Variants in INPP4B observed in about 807,000 individuals in gnomAD.
INPP4B encodes inositol polyphosphate 4-phosphatase type II.
A neutral mutation model predicts 122.5 loss-of-function variants in INPP4B; 55 were observed. The observed-to-expected ratio is 0.45, with a 90% CI of 0.36 to 0.56. INPP4B has a LOEUF of 0.56. Among genes scored for constraint, INPP4B ranks in the 20% least tolerant of loss-of-function variants. The probability of loss-of-function intolerance (pLI) is 0.00; values close to 1 mark genes in which losing one functional copy is unlikely to be tolerated. For synonymous variants in INPP4B, 403 were observed against 388.7 expected, an observed-to-expected ratio of 1.04 and a Z score of -0.43; for missense variants, 1,000 against 1,097.7, an observed-to-expected ratio of 0.91 and a Z score of 1.26.
chr4:142,132,541 A>T (rs749656841), intron 18 of INPP4B, among the ~76,000 whole-genome samples: 1 of 152,196 alleles, frequency 6.6e-6, no homozygotes, highest in Non-Finnish European at 1.5e-5. Flanking sequence ...TAATTTCTAC[A>T]TGATACTTTG....
intron 2 of INPP4B, among the ~76,000 whole-genome samples, chr4:142,548,787 A>G (rs773486066): frequency 6.6e-6 from 1 of 151,810 alleles, no homozygotes; most frequent in Non-Finnish European, 1.5e-5. Context: ...ATACATATAT[A>G]TATATTAATT....
At chr4:142,379,811 A>C (rs901692807) in intron 7 of INPP4B, among the ~76,000 whole-genome samples, 1 of 152,220 alleles carries the variant, frequency 6.6e-6, no homozygotes, top group Non-Finnish European at 1.5e-5. Context: ...CTCAGTGTCC[A>C]CGTCAGGCAC....
At position 142,024,563 on chromosome 4, in the gene INPP4B, A is replaced by G. The variant is rs1483919879; in HGVS notation, c.*4219T>C. On this transcript the variant is annotated 3_prime_UTR_variant, in exon 26 of 26. Coordinates refer to ENST00000262992, the MANE Select transcript of INPP4B (RefSeq NM_001101669.3). ...AAAGACTACAAATGGTGCCTCATAT[A>G]TTGAACCAAACAAATGATATACCAT... 2 of 152,122 alleles carry G rather than the reference A, an allele frequency of 1.3e-5. No individual in the cohort carries two copies. Among genetic ancestry groups the G allele is most frequent in the African/African-American group, 4.8e-5 (2 of 41,416 alleles). The allele number at this position is 152,122 out of a possible 1,614,324, so 9.4% of individuals were successfully genotyped here.
chr4:142,112,667 T>C lies in INPP4B; in HGVS notation c.2151A>G (p.Val717=), dbSNP rs149244879. The change falls in exon 22 of 26, where the codon GTA becomes GTG. Residue 717 remains valine, a synonymous_variant. Transcript: ENST00000262992. ...ACATTCTGGCTGGAAGCTTGACCTC[T>C]ACCACGTAATGTTCTCTAAAGAAGG... ...VITGRREHYV[V]EVKLPARMFE... 1.2e-6 allele frequency: 2 copies of C among 1,611,818 alleles called. No individual in the cohort carries two copies. The highest frequency in any genetic ancestry group is 1.3e-5 in the African/African-American group (1 of 74,792).
At chr4:142,127,485 A>G (rs1239847220) in intron 18 of INPP4B, among the ~76,000 whole-genome samples, 2 of 151,904 alleles carry the variant, frequency 1.3e-5, no homozygotes, top group African/African-American at 4.8e-5. Flanking sequence ...CAACACCAAA[A>G]CAAGTCTGGT....
intron 9 of INPP4B, among the ~76,000 whole-genome samples, chr4:142,276,663 A>T (rs1748562428): frequency 6.6e-6 from 1 of 151,932 alleles, no homozygotes. Context: ...TCTTCAGTAT[A>T]TGGAAATGAG....
chr4:142,779,585 A>T (rs1004456908), intron 1 of INPP4B, among the ~76,000 whole-genome samples: 4 of 152,112 alleles, frequency 2.6e-5, no homozygotes, highest in Non-Finnish European at 2.9e-5. Context: ...ACTGAGGTCA[A>T]TATTGGTATG....
intron 12 of INPP4B, among the ~76,000 whole-genome samples, chr4:142,211,363 A>G (rs762918643): frequency 6.6e-6 from 1 of 152,200 alleles, no homozygotes; most frequent in African/African-American, 2.4e-5. Context: ...AAACTTTCCA[A>G]TCAGGAAGCC....
At chr4:142,228,884 A>C (rs1852814183) in intron 12 of INPP4B, among the ~76,000 whole-genome samples, 1 of 151,730 alleles carries the variant, frequency 6.6e-6, no homozygotes, top group African/African-American at 2.4e-5. Context: ...TATTTGTAAT[A>C]AATATATAGA....
In INPP4B at chr4:142,405,235, T is replaced by C. The variant is rs1471819737; in HGVS notation, c.226A>G (p.Thr76Ala). ...SVIHPVEQSLTRYSSTEIVEG... is the reference protein window; with the variant it reads ...SVIHPVEQSLARYSSTEIVEG... ...ACAATTTCGGTGCTGGAGTATCTTG[T>C]CAGACTCTGCTCCACGGGGTGGATT... Residue 76 changes from threonine (T) to alanine (A), a missense_variant, in exon 6 of 26, where the codon ACA (threonine) becomes GCA (alanine). Physicochemically the swap from Thr to Ala is moderately conservative, Grantham distance 58 (BLOSUM62 0). Transcript: ENST00000262992. The C allele has an allele frequency of 1.9e-6, 3 of 1,611,710 alleles. No individual in the cohort carries two copies. The highest frequency in any genetic ancestry group is 2.7e-5 in the African/African-American group (2 of 74,840).
intron 2 of INPP4B, among the ~76,000 whole-genome samples, chr4:142,510,229 C>T (rs1322954641): frequency 1.3e-5 from 2 of 152,186 alleles, no homozygotes; most frequent in Non-Finnish European, 2.9e-5. Context: ...CATTTACTTA[C>T]ACAATAATAA....
intron 2 of INPP4B, among the ~76,000 whole-genome samples, chr4:142,720,761 ATC>A (rs1175727015): frequency 0.012 from 437 of 37,484 alleles, 22 homozygotes; most frequent in African/African-American, 0.013. Flanking sequence ...TATATATATA[ATC>A]TCTCTCTCTC....
intron 2 of INPP4B, among the ~76,000 whole-genome samples, chr4:142,557,955 C>G (rs1233722095): frequency 6.6e-6 from 1 of 152,186 alleles, no homozygotes; most frequent in African/African-American, 2.4e-5. Flanking sequence ...ACGACAAAGT[C>G]AATCCTGTTT....
chr4:142,647,372 C>T (rs140008611), intron 2 of INPP4B, among the ~76,000 whole-genome samples: 11 of 152,132 alleles, frequency 7.2e-5, no homozygotes, highest in East Asian at 3.9e-4. Context: ...TTGAAACCTG[C>T]GCATATAATG....
intron 12 of INPP4B, among the ~76,000 whole-genome samples, chr4:142,209,662 G>A (rs1023636719): frequency 7.3e-5 from 11 of 151,612 alleles, no homozygotes; most frequent in Non-Finnish European, 1.0e-4. Context: ...GTGTGGTGGT[G>A]CGTGCCTGTA....
At chr4:142,470,201 T>C (rs889594627) in intron 2 of INPP4B, among the ~76,000 whole-genome samples, 2 of 152,002 alleles carry the variant, frequency 1.3e-5, no homozygotes, top group African/African-American at 2.4e-5. Context: ...TAGGAGCAGA[T>C]ATAAAATTAT....
At chr4:142,062,940 G>A (rs1761794885) in intron 25 of INPP4B, among the ~76,000 whole-genome samples, 1 of 152,168 alleles carries the variant, frequency 6.6e-6, no homozygotes, top group Non-Finnish European at 1.5e-5. Context: ...GGGGAAATAT[G>A]TTAACTACAC....
chr4:142,397,992 T>A (rs550167098), intron 7 of INPP4B, among the ~76,000 whole-genome samples: 2 of 152,108 alleles, frequency 1.3e-5, no homozygotes, highest in African/African-American at 4.8e-5. Flanking sequence ...GATTTCAGAC[T>A]CGGCCTCCTT....
At chr4:142,244,287 C>CTTTTTTTCTTTTTTTTT (rs1861026422) in intron 11 of INPP4B, among the ~76,000 whole-genome samples, 1 of 73,750 alleles carries the variant, frequency 1.4e-5, no homozygotes, top group African/African-American at 5.5e-5. Flanking sequence ...GTATATGTGC[C>CTTTTTTTCTTTTTTTTT]TTTTTTTTTT....
Sources: gnomAD v4.1 joint callset for allele counts (sites outside exome capture counted in the v4.1 genomes callset) on GRCh38, gnomAD v4.1.1 for gene constraint, MANE v1.5 for transcripts, NCBI Gene and HGNC (gene_info 2026-07-23, HGNC 2026-07-21) for gene names.